Variants in NDUFA12 observed in about 807,000 individuals in gnomAD.
NDUFA12 encodes NADH dehydrogenase [ubiquinone] 1 alpha subcomplex subunit 12.
In NDUFA12, 17 loss-of-function variants were observed where a neutral mutation model predicts 20.3. That is an observed-to-expected ratio of 0.84 (90% CI 0.57 to 1.26). The LOEUF is 1.26. Among genes scored for constraint, NDUFA12 ranks in the 50% most tolerant of loss-of-function variants. The pLI, the probability that NDUFA12 is intolerant of heterozygous loss-of-function variation, is 0.00. For synonymous variants in NDUFA12, 72 were observed against 63.6 expected (o/e 1.13, Z -0.63); for missense variants, 191 against 183.7 (o/e 1.04, Z -0.23).
chr12:94,982,275 C>CT lies in NDUFA12; in HGVS notation c.258-10656dup, dbSNP rs201781364. Among the ~76,000 whole-genome samples the CT allele has an allele frequency of 1.4e-3, 190 of 135,664 alleles. 1 individual carries two copies. The highest frequency in any genetic ancestry group is 4.0e-3 in the African/African-American group (147 of 36,630). The allele number at this position is 135,664 out of a possible 152,430, so 89.0% of individuals were successfully genotyped here. On this transcript the variant is annotated intron_variant, in intron 3 of 3. Transcript: ENST00000327772. ...CCAGAAGCTATTTTCTTTTTCTTTTCTTTTTTTTTTTTTTTTTTGAGACAG... is the reference window on the plus strand; with the variant it reads ...CCAGAAGCTATTTTCTTTTTCTTTTCTTTTTTTTTTTTTTTTTTTGAGACAG...
chr12:94,993,930 T>TCTCAAAAAAGAAACAAACA (rs1434382204), intron 3 of NDUFA12, among the ~76,000 whole-genome samples: 2 of 151,970 alleles, frequency 1.3e-5, no homozygotes, highest in African/African-American at 2.4e-5. Context: ...TGAGACTCTG[T>TCTCAAAAAAGAAACAAACA]CTCAAAAAAG....
At chr12:94,980,351 C>G (rs1371658508) in intron 3 of NDUFA12, among the ~76,000 whole-genome samples, 1 of 152,160 alleles carries the variant, frequency 6.6e-6, no homozygotes, top group Non-Finnish European at 1.5e-5. Flanking sequence ...GTACCAACCA[C>G]TCAGGCCCCA....
intron 3 of NDUFA12, among the ~76,000 whole-genome samples, chr12:94,982,190 A>T (rs1337043780): frequency 1.3e-5 from 2 of 152,066 alleles, no homozygotes; most frequent in African/African-American, 4.8e-5. Flanking sequence ...GCAGCATCAG[A>T]TGTTCCTCTC....
intron 3 of NDUFA12, among the ~76,000 whole-genome samples, chr12:94,974,448 A>G (rs1178890733): frequency 1.3e-5 from 2 of 152,214 alleles, no homozygotes; most frequent in African/African-American, 2.4e-5. Flanking sequence ...GTTCCTCAAA[A>G]AACTAAAAAT....
chr12:94,996,391 C>G (rs1020523263), intron 2 of NDUFA12, among the ~76,000 whole-genome samples: 1 of 150,266 alleles, frequency 6.7e-6, no homozygotes, highest in Admixed American at 6.7e-5. Context: ...CCAGGCTGGT[C>G]TTGAACTGCT....
rs1475962075 is a variant in NDUFA12 at position 94,971,503 on chromosome 12, T to C, written c.375A>G (p.Val125=). The stretch of plus-strand genomic sequence containing the variant: ...TCTTCTTTCTAGTGGTAGAATAAGG[T>C]ACATATTGTTCTGGGGTGCCAGTCA... ...FNVTGTPEQY[V]PYSTTRKKIQ... The change falls in exon 4 of 4, where the codon GTA becomes GTG. Residue 125 remains valine (V), a synonymous_variant. Transcript: ENST00000327772. 1 of 1,614,204 alleles carries C rather than the reference T, an allele frequency of 6.2e-7. No individual in the cohort carries two copies. Among genetic ancestry groups the C allele is most frequent in the Non-Finnish European group, 8.5e-7 (1 of 1,180,030 alleles).
chr12:94,996,958 TG>T, intron 2 of NDUFA12: 2 of 401,712 alleles, frequency 5.0e-6, no homozygotes, highest in Admixed American at 3.1e-5. Flanking sequence ...GATACTTCCT[TG>T]GGCCTCAGTT....
intron 2 of NDUFA12, among the ~76,000 whole-genome samples, chr12:95,002,354 A>G (rs1875071558): frequency 7.0e-6 from 1 of 142,918 alleles, no homozygotes; most frequent in South Asian, 2.4e-4. Context: ...AGGCAGGAGA[A>G]TCGCTGGAAC....
intron 3 of NDUFA12, among the ~76,000 whole-genome samples, chr12:94,972,060 C>T (rs11107828): frequency 0.26 from 39,894 of 151,912 alleles, 5,533 homozygotes; most frequent in Non-Finnish European, 0.26. Context: ...ATAGCTAACA[C>T]TACAAGAGCA....
chr12:95,002,417 G>A, intron 2 of NDUFA12, among the ~76,000 whole-genome samples: 1 of 25,028 alleles, frequency 4.0e-5, no homozygotes, highest in Non-Finnish European at 6.2e-5. Flanking sequence ...ACTCCAGCCT[G>A]GCCGACAGAG....
Position 95,003,523 on chromosome 12 carries a change from G to A in NDUFA12, c.86+72C>T. The A allele has an allele frequency of 3.3e-6, 5 of 1,495,194 alleles. No homozygotes were observed. The Admixed American group carries it at 5.0e-5, about 15-fold the overall frequency. 92.6% of individuals were successfully genotyped at this position (1,495,194 alleles called of 1,614,324 possible). ...GGATTCTCCAAGGTGACCCGAGCCT[G>A]GGACCCCTTCCAAGAAATCAGCCAG... On this transcript the variant is annotated intron_variant, in intron 1 of 3. Coordinates refer to ENST00000327772, the MANE Select transcript of NDUFA12 (RefSeq NM_018838.5).
chr12:94,987,106 T>C (rs951691534), intron 3 of NDUFA12, among the ~76,000 whole-genome samples: 2 of 152,022 alleles, frequency 1.3e-5, no homozygotes, highest in African/African-American at 2.4e-5. Context: ...AATCACGTGA[T>C]AGAGGTTTTC....
intron 2 of NDUFA12, among the ~76,000 whole-genome samples, chr12:95,000,170 T>A (rs960713761): frequency 6.6e-6 from 1 of 152,206 alleles, no homozygotes; most frequent in Non-Finnish European, 1.5e-5. Flanking sequence ...ATAATGGCCT[T>A]TGCAGCAACT....
intron 3 of NDUFA12, among the ~76,000 whole-genome samples, chr12:94,993,137 T>C (rs547288007): frequency 1.4e-4 from 21 of 152,140 alleles, no homozygotes; most frequent in Non-Finnish European, 2.2e-4. Context: ...GGTGAGAGGA[T>C]TGCTTGAGCC....
chr12:95,003,666 C>G lies in NDUFA12; in HGVS notation c.15G>C (p.Gln5His). The G allele has an allele frequency of 6.2e-7, 1 of 1,614,210 alleles. No homozygotes were observed. The highest frequency in any genetic ancestry group is 8.5e-7 in the Non-Finnish European group (1 of 1,180,050). MELV[Q>H]VLKRGLQQIT... ...TCTGCTGCAGCCCGCGTTTCAGGAC[C>G]TGCACTAACTCCATCTTGCCTCGCT... Residue 5 changes from glutamine to histidine, a missense_variant, in exon 1 of 4, where the codon CAG becomes CAC. By Grantham distance (24) the Gln-to-His change is conservative (BLOSUM62 0). Transcript: ENST00000327772.
At chr12:94,990,599 A>AC (rs926377895) in intron 3 of NDUFA12, among the ~76,000 whole-genome samples, 1 of 151,960 alleles carries the variant, frequency 6.6e-6, no homozygotes, top group African/African-American at 2.4e-5. Flanking sequence ...ATTTTCTAAA[A>AC]CTTTTTTTAT....
chr12:94,995,347 A>C (rs554373944), intron 2 of NDUFA12, among the ~76,000 whole-genome samples: 3 of 152,300 alleles, frequency 2.0e-5, no homozygotes, highest in African/African-American at 7.2e-5. Flanking sequence ...AGGCAGGGGA[A>C]TGTGCAGGCA....
intron 3 of NDUFA12, among the ~76,000 whole-genome samples, chr12:94,980,327 G>A (rs886205409): frequency 1.3e-5 from 2 of 151,904 alleles, no homozygotes; most frequent in South Asian, 4.2e-4. Context: ...TCAGTGAATG[G>A]TCCCAGCATT....
At chr12:94,991,726 C>CAAAA (rs367869799) in intron 3 of NDUFA12, among the ~76,000 whole-genome samples, 122 of 113,060 alleles carry the variant, frequency 1.1e-3, no homozygotes, top group East Asian at 3.0e-3. Context: ...GACGCTATCT[C>CAAAA]AAAAAAAAAA....
Sources: allele counts gnomAD v4.1 joint callset (sites outside exome capture counted in the v4.1 genomes callset), GRCh38; gene constraint gnomAD v4.1.1; transcripts MANE v1.5; gene names NCBI Gene and HGNC (gene_info 2026-07-23, HGNC 2026-07-21).